The following GRIK1 variants were observed in gnomAD, a reference collection of about 807,000 sequenced individuals.
The protein encoded by GRIK1 is glutamate receptor ionotropic, kainate 1.
Under a neutral mutation model 105.7 loss-of-function variants are expected in GRIK1, and 69 were observed. That is an observed-to-expected ratio of 0.65 (90% CI 0.54 to 0.80). GRIK1 has a LOEUF of 0.80. Among genes scored for constraint, GRIK1 ranks in the 30% least tolerant of loss-of-function variants. The pLI, the probability that GRIK1 is intolerant of heterozygous loss-of-function variation, is 0.00. For synonymous variants in GRIK1, 438 were observed against 431.3 expected (o/e 1.02, Z -0.19); for missense variants, 1,109 against 1,167.3 (o/e 0.95, Z 0.73).
At chr21:29,723,145 T>C (rs1343911304) in intron 1 of GRIK1, among the ~76,000 whole-genome samples, 1 of 152,180 alleles carries the variant, frequency 6.6e-6, no homozygotes, top group African/African-American at 2.4e-5. Flanking sequence ...GGAGACCCTG[T>C]TTCTACCAAA....
intron 7 of GRIK1, among the ~76,000 whole-genome samples, chr21:29,612,732 A>G (rs1868259109): frequency 6.6e-6 from 1 of 152,230 alleles, no homozygotes; most frequent in African/African-American, 2.4e-5. Context: ...TAAACAGTAA[A>G]TTAATATGTT....
At chr21:29,802,404 C>G (rs1354991281) in intron 1 of GRIK1, among the ~76,000 whole-genome samples, 1 of 152,128 alleles carries the variant, frequency 6.6e-6, no homozygotes, top group Non-Finnish European at 1.5e-5. Context: ...CAGTCTCTCT[C>G]TCTTTCTCTG....
chr21:29,541,504 C>A (rs2089968593), intron 16 of GRIK1, among the ~76,000 whole-genome samples: 3 of 147,248 alleles, frequency 2.0e-5, no homozygotes, highest in African/African-American at 7.7e-5. Flanking sequence ...TAAGTATGCT[C>A]TTTCTTTAAA....
intron 1 of GRIK1, among the ~76,000 whole-genome samples, chr21:29,733,187 T>C (rs2064685204): frequency 6.6e-6 from 1 of 152,170 alleles, no homozygotes; most frequent in South Asian, 2.1e-4. Flanking sequence ...TTTGTGTAAA[T>C]AATTTTCAAA....
chr21:29,788,883 G>T (rs531308822), intron 1 of GRIK1, among the ~76,000 whole-genome samples: 1 of 152,182 alleles, frequency 6.6e-6, no homozygotes, highest in Non-Finnish European at 1.5e-5. Flanking sequence ...AGGAGGCAGA[G>T]CTCAGGTGGT....
chr21:29,734,520 C>T (rs993528061), intron 1 of GRIK1, among the ~76,000 whole-genome samples: 5 of 152,104 alleles, frequency 3.3e-5, no homozygotes, highest in Middle Eastern at 3.4e-3. Flanking sequence ...CCACCTCAGC[C>T]TCCTGGGTAG....
intron 1 of GRIK1, among the ~76,000 whole-genome samples, chr21:29,840,433 AT>A (rs941489513): frequency 1.5e-4 from 22 of 150,452 alleles, no homozygotes; most frequent in East Asian, 5.8e-4. Flanking sequence ...TGTCTTTCAT[AT>A]TTTTTTTTAC....
In GRIK1 at chr21:29,672,980, T is replaced by G. The variant is rs771395388; in HGVS notation, c.726+3A>C. 6.2e-7 allele frequency: 1 copy of G among 1,607,810 alleles called. No homozygotes were observed. Among genetic ancestry groups the G allele is most frequent in the Non-Finnish European group, 8.5e-7 (1 of 1,176,092 alleles). On this transcript the variant is annotated splice_donor_region_variant and intron_variant, in intron 4 of 17. Transcript: ENST00000327783. ...ACCTCCACCTCCTCCCTAGCCCTCT[T>G]ACCTGCTTAAGGATTTCAGCGGCTG...
At chr21:29,842,806 C>T (rs909324315) in intron 1 of GRIK1, among the ~76,000 whole-genome samples, 10 of 152,128 alleles carry the variant, frequency 6.6e-5, no homozygotes, top group African/African-American at 2.2e-4. Flanking sequence ...CAATACAGCA[C>T]GAATGTTGAT....
intron 1 of GRIK1, among the ~76,000 whole-genome samples, chr21:29,912,468 C>G (rs1437683437): frequency 6.6e-6 from 1 of 152,056 alleles, no homozygotes; most frequent in Admixed American, 6.6e-5. Flanking sequence ...AGAAAGAGCA[C>G]TCCTAACCAA....
intron 1 of GRIK1, among the ~76,000 whole-genome samples, chr21:29,869,610 G>A (rs2146128407): frequency 6.6e-6 from 1 of 152,288 alleles, no homozygotes; most frequent in South Asian, 2.1e-4. Flanking sequence ...AGAAAGTTTT[G>A]AGTCTGGTAG....
chr21:29,841,185 G>C (rs1486841018), intron 1 of GRIK1, among the ~76,000 whole-genome samples: 1 of 152,122 alleles, frequency 6.6e-6, no homozygotes, highest in Non-Finnish European at 1.5e-5. Flanking sequence ...TTAAATTGAT[G>C]ATGATAGCTA....
At chr21:29,572,391 C>T (rs1029476450) in intron 14 of GRIK1, among the ~76,000 whole-genome samples, 1 of 151,986 alleles carries the variant, frequency 6.6e-6, no homozygotes, top group Non-Finnish European at 1.5e-5. Flanking sequence ...TGTGTGGGTC[C>T]CTATGTATCC....
chr21:29,716,354 A>G (rs903628451), intron 1 of GRIK1, among the ~76,000 whole-genome samples: 16 of 152,344 alleles, frequency 1.1e-4, no homozygotes, highest in Admixed American at 9.8e-4. Context: ...CAGGCAGAGA[A>G]TGGAACAGTG....
intron 1 of GRIK1, among the ~76,000 whole-genome samples, chr21:29,819,592 T>C (rs2067244019): frequency 6.6e-6 from 1 of 151,996 alleles, no homozygotes; most frequent in African/African-American, 2.4e-5. Flanking sequence ...CAAATTGCAT[T>C]CAACCCTGGA....
chr21:29,871,827 G>A (rs2069023843), intron 1 of GRIK1, among the ~76,000 whole-genome samples: 1 of 137,382 alleles, frequency 7.3e-6, no homozygotes, highest in Non-Finnish European at 1.5e-5. Context: ...GCAGTGACAC[G>A]ATCTCAGCTC....
chr21:29,575,563 G>A (rs531318238), intron 14 of GRIK1, among the ~76,000 whole-genome samples: 1 of 152,194 alleles, frequency 6.6e-6, no homozygotes, highest in Non-Finnish European at 1.5e-5. Flanking sequence ...GCTGAGCGTA[G>A]TGGCTCACGC....
In GRIK1 at chr21:29,738,208, T is replaced by C. The variant is rs557634638; in HGVS notation, c.119-44145A>G. Among the ~76,000 whole-genome samples the C allele has an allele frequency of 1.6e-4, 24 of 152,384 alleles. No individual in the cohort carries two copies. In the South Asian group the frequency reaches 5.0e-3, roughly 32 times the overall value. ...CTTGGGAAATTTTGCTGATAGTGACTCACTTGTGCTCCTAATTCTCCCACT... is the reference window on the plus strand; with the variant it reads ...CTTGGGAAATTTTGCTGATAGTGACCCACTTGTGCTCCTAATTCTCCCACT... On this transcript the variant is annotated intron_variant, in intron 1 of 17. Coordinates refer to ENST00000327783, the MANE Select transcript of GRIK1 (RefSeq NM_001330994.2).
intron 9 of GRIK1, 96 bp downstream of exon 9, chr21:29,596,430 G>A: frequency 1.2e-6 from 1 of 832,162 alleles, no homozygotes; most frequent in South Asian, 1.3e-5. Flanking sequence ...CAATTGGAGA[G>A]CTACAGGTCT....
Sources: gnomAD v4.1 joint callset for allele counts (sites outside exome capture counted in the v4.1 genomes callset) on GRCh38, gnomAD v4.1.1 for gene constraint, MANE v1.5 for transcripts, NCBI Gene and HGNC (gene_info 2026-07-23, HGNC 2026-07-21) for gene names.